MICAL3: variants seen among roughly 807,000 people sequenced by gnomAD.
The protein encoded by MICAL3 is microtubule associated monooxygenase, calponin and LIM domain containing 3.
MICAL3 carries 62 observed loss-of-function variants against 207.4 expected under a neutral mutation model. The observed-to-expected ratio is 0.30, with a 90% CI of 0.24 to 0.37. The LOEUF is 0.37. Among genes scored for constraint, MICAL3 ranks in the 10% least tolerant of loss-of-function variants. The pLI, the probability that MICAL3 is intolerant of heterozygous loss-of-function variation, is 1.00. For missense variants in MICAL3, 2,368 were observed against 2,635.6 expected (o/e 0.90, Z 2.22); for synonymous variants, 1,077 against 1,069.3 (o/e 1.01, Z -0.14).
At chr22:17,965,875 C>T (rs969576741) in intron 1 of MICAL3, among the ~76,000 whole-genome samples, 5 of 152,320 alleles carry the variant, frequency 3.3e-5, no homozygotes, top group Middle Eastern at 3.4e-3. Flanking sequence ...ATCCAGGTCT[C>T]CAACCTCCAC....
intron 1 of MICAL3, among the ~76,000 whole-genome samples, chr22:17,991,212 C>A (rs182683478): frequency 1.1e-4 from 16 of 152,344 alleles, no homozygotes; most frequent in Middle Eastern, 6.8e-3. Flanking sequence ...AGGCTGCAGG[C>A]AGAGCCAGGA....
chr22:17,912,488 C>A (rs1341428651), intron 1 of MICAL3, among the ~76,000 whole-genome samples: 1 of 151,936 alleles, frequency 6.6e-6, no homozygotes, highest in Admixed American at 6.6e-5. Context: ...AATTTGTTCT[C>A]ATTTATCTTT....
At chr22:17,863,753 C>T (rs1392926735) in intron 19 of MICAL3, 1 of 985,280 alleles carries the variant, frequency 1.0e-6, no homozygotes, top group East Asian at 1.1e-4. Context: ...CCTACATGAA[C>T]CAGCTGTTAG....
Position 17,866,016 on chromosome 22 carries a change from C to T in MICAL3, c.2429-4G>A. 1 of 1,611,060 alleles carries T rather than the reference C, an allele frequency of 6.2e-7. No homozygotes were observed. The highest frequency in any genetic ancestry group is 8.5e-7 in the Non-Finnish European group (1 of 1,177,210). On this transcript the variant is annotated splice_polypyrimidine_tract_variant and splice_region_variant and intron_variant, in intron 17 of 31. Coordinates refer to ENST00000441493, the MANE Select transcript of MICAL3 (RefSeq NM_015241.3). ...TGTGGCTTACAGTAGAATTTACCTG[C>T]AGACAGCAAGAGGCAGGGACAGAGG...
At chr22:17,947,318 CT>C (rs1934121605) in intron 1 of MICAL3, among the ~76,000 whole-genome samples, 1 of 152,226 alleles carries the variant, frequency 6.6e-6, no homozygotes, top group Non-Finnish European at 1.5e-5. Flanking sequence ...AATGTTTTCC[CT>C]TCATGAAGAG....
In MICAL3 at chr22:17,866,031, A is replaced by G; in HGVS notation, c.2429-19T>C. ...AATTTACCTGCAGACAGCAAGAGGC[A>G]GGGACAGAGGCGATGAGCCAGGCAC... On this transcript the variant is annotated intron_variant, in intron 17 of 31. Coordinates refer to ENST00000441493, the MANE Select transcript of MICAL3 (RefSeq NM_015241.3). 6.3e-7 allele frequency: 1 copy of G among 1,587,340 alleles called. No individual in the cohort carries two copies. Among genetic ancestry groups the G allele is most frequent in the South Asian group, 1.1e-5 (1 of 90,546 alleles).
chr22:17,950,337 G>GTTTTTTTTTTTT (rs764642603), intron 1 of MICAL3, among the ~76,000 whole-genome samples: 72 of 89,258 alleles, frequency 8.1e-4, no homozygotes, highest in East Asian at 2.0e-3. Flanking sequence ...TTTTGTTTTT[G>GTTTTTTTTTTTT]TTTTTTTTTT....
intron 22 of MICAL3, chr22:17,826,361 C>T (rs1922191006): frequency 2.7e-6 from 2 of 737,348 alleles, no homozygotes; most frequent in South Asian, 6.1e-5. Context: ...CATGCACTTG[C>T]AACAGGCCCA....
At chr22:17,861,302 T>A in intron 19 of MICAL3, 8 of 984,220 alleles carry the variant, frequency 8.1e-6, no homozygotes, top group Non-Finnish European at 9.6e-6. Context: ...GGGCAAGGAA[T>A]GTCTGGGGAC....
chr22:18,016,246 T>A (rs1203127630), intron 1 of MICAL3, among the ~76,000 whole-genome samples: 1 of 152,228 alleles, frequency 6.6e-6, no homozygotes, highest in Non-Finnish European at 1.5e-5. Flanking sequence ...TGTTGTAATT[T>A]GCACTTTTGA....
chr22:17,879,783 A>G (rs932082986), intron 16 of MICAL3, among the ~76,000 whole-genome samples: 1 of 152,242 alleles, frequency 6.6e-6, no homozygotes, highest in African/African-American at 2.4e-5. Flanking sequence ...CATTTTAGAA[A>G]GCAAAGGTGG....
At chr22:17,822,426 G>A (rs1217014752) in intron 23 of MICAL3, among the ~76,000 whole-genome samples, 3 of 152,212 alleles carry the variant, frequency 2.0e-5, no homozygotes, top group African/African-American at 7.2e-5. Context: ...TTAAAATACA[G>A]CAACAGTCAC....
At position 17,793,841 on chromosome 22, in the gene MICAL3, A is replaced by G. The variant is rs1350947538; in HGVS notation, c.5651-2540T>C. ...GAAGAGGAGGAGACGGAGAAAGACA[A>G]AAAAGGAAGAGGAGGAGAGGAGCAG... On this transcript the variant is annotated intron_variant, in intron 29 of 31. Transcript: ENST00000441493. This position sits in a 1 kb window ranked among gnomAD's most constrained non-coding sequence, Gnocchi z 4.1. 6.6e-6 allele frequency: 1 copy of G among 152,440 alleles called. No individual in the cohort carries two copies. The highest frequency in any genetic ancestry group is 2.4e-5 in the African/African-American group (1 of 41,396). The allele number at this position is 152,440 out of a possible 1,614,324, so 9.4% of individuals were successfully genotyped here.
rs73386313 is a variant in MICAL3, at chr22:17,860,982, G to A, written c.2605+3917C>T. On this transcript the variant is annotated intron_variant, in intron 19 of 31. Transcript: ENST00000441493. ...ATATCTACCCATATATGTGCAATTA[G>A]ATCTATATACATACAAACGTGTACC... The A allele has an allele frequency of 1.3e-3, 1,275 of 983,162 alleles. 13 individuals are homozygous for A. The African/African-American group carries it at 0.021, about 16-fold the overall frequency. 60.9% of individuals were successfully genotyped at this position (983,162 alleles called of 1,614,324 possible). A position where few individuals can be genotyped will look rare whatever the true frequency, so the allele number is the denominator to read the frequency against.
chr22:17,795,009 C>G (rs1344762236), intron 29 of MICAL3, among the ~76,000 whole-genome samples: 1 of 152,208 alleles, frequency 6.6e-6, no homozygotes, highest in African/African-American at 2.4e-5. Context: ...AAAGAGCTGG[C>G]TGAGAGGCCG....
chr22:17,849,686 G>GT (rs1925069377), intron 19 of MICAL3, among the ~76,000 whole-genome samples: 7 of 56,198 alleles, frequency 1.2e-4, no homozygotes, highest in Non-Finnish European at 1.4e-4. Flanking sequence ...GTGTGTGTGT[G>GT]TATTTTTTTT....
At chr22:17,802,939 TG>T (rs1298124011) in intron 29 of MICAL3, among the ~76,000 whole-genome samples, 2 of 151,986 alleles carry the variant, frequency 1.3e-5, no homozygotes, top group Non-Finnish European at 2.9e-5. Context: ...AAATGAGACA[TG>T]GGGGTCAGCC....
chr22:17,834,594 C>G, intron 20 of MICAL3: 4 of 1,120,362 alleles, frequency 3.6e-6, no homozygotes, highest in Non-Finnish European at 4.4e-6. Context: ...AACAAAAGCT[C>G]CTTATTCTCA....
intron 1 of MICAL3, among the ~76,000 whole-genome samples, chr22:17,950,342 T>G (rs893587759): frequency 1.7e-4 from 19 of 110,674 alleles, no homozygotes; most frequent in South Asian, 2.7e-4. Context: ...TTTTTGTTTT[T>G]TTTTTTTTTT....
Sources: gnomAD v4.1 joint callset for allele counts (sites outside exome capture counted in the v4.1 genomes callset) on GRCh38, gnomAD v4.1.1 for gene constraint, Gnocchi (gnomAD v3.1) non-coding constraint, MANE v1.5 for transcripts, NCBI Gene and HGNC (gene_info 2026-07-23, HGNC 2026-07-21) for gene names.